The following KCNJ6 variants were observed in gnomAD, a reference collection of about 807,000 sequenced individuals.
KCNJ6 encodes G protein-activated inward rectifier potassium channel 2.
KCNJ6 carries 9 observed loss-of-function variants against 34.2 expected under a neutral mutation model. The observed-to-expected ratio is 0.26, with a 90% CI of 0.16 to 0.46. The LOEUF is 0.46. KCNJ6 is among the 20% of genes least tolerant of loss of function. The pLI is 1.00. For missense variants in KCNJ6, 236 were observed against 531.3 expected, an observed-to-expected ratio of 0.44 and a Z score of 5.46; for synonymous variants, 196 against 207.1, an observed-to-expected ratio of 0.95 and a Z score of 0.46.
intron 2 of KCNJ6, among the ~76,000 whole-genome samples, chr21:37,770,061 T>C (rs934096201): frequency 6.6e-6 from 1 of 152,188 alleles, no homozygotes; most frequent in African/African-American, 2.4e-5. Flanking sequence ...GCAGCACAGG[T>C]GGATAAAAAC....
intron 2 of KCNJ6, among the ~76,000 whole-genome samples, chr21:37,745,151 G>T (rs1332272810): frequency 7.0e-6 from 1 of 143,710 alleles, no homozygotes; most frequent in Non-Finnish European, 1.5e-5. Flanking sequence ...AGAGTTTGGT[G>T]GTGCAATTAG....
chr21:37,741,472 C>G (rs1030978972), intron 2 of KCNJ6, among the ~76,000 whole-genome samples: 2 of 152,180 alleles, frequency 1.3e-5, no homozygotes, highest in African/African-American at 2.4e-5. Flanking sequence ...TAGTCCCACT[C>G]AGTGGTCCTC....
chr21:37,916,012 C>T lies in KCNJ6; in HGVS notation c.-156G>A, dbSNP rs1460478244. The T allele has an allele frequency of 6.5e-6, 1 of 152,864 alleles. No individual in the cohort carries two copies. The highest frequency in any genetic ancestry group is 1.5e-5 in the Non-Finnish European group (1 of 68,556). 9.5% of individuals were successfully genotyped at this position (152,864 alleles called of 1,614,324 possible). On this transcript the variant is annotated 5_prime_UTR_variant, in exon 1 of 4. Transcript: ENST00000609713. Reference sequence around the variant, plus strand: ...AAAAAAGAAAAGGAAAAGAAAAAAACTGGAATCAGATGGTCAAATTTCACA... The same window carrying T: ...AAAAAAGAAAAGGAAAAGAAAAAAATTGGAATCAGATGGTCAAATTTCACA...
chr21:37,704,210 G>A (rs78295075), intron 3 of KCNJ6, among the ~76,000 whole-genome samples: 4,779 of 152,278 alleles, frequency 0.031, 253 homozygotes, highest in African/African-American at 0.11. Context: ...TGACCCATCC[G>A]TGTCGGACCT....
At chr21:37,682,654 GA>G (rs1225364207) in intron 3 of KCNJ6, among the ~76,000 whole-genome samples, 1 of 152,138 alleles carries the variant, frequency 6.6e-6, no homozygotes, top group African/African-American at 2.4e-5. Context: ...ATCCTTATAG[GA>G]AAAAGACCGT....
rs74317996 is a variant in KCNJ6 at position 37,758,083 on chromosome 21, G to A, written c.26-42952C>T. 1.2e-4 allele frequency among the ~76,000 whole-genome samples: 18 copies of A among 151,838 alleles called. No individual in the cohort carries two copies. The East Asian group carries it at 3.5e-3, about 29-fold the overall frequency. Reference sequence around the variant, plus strand: ...ACCCTGGGCCTGGTTTAGTGGAGGGGGAGAGGCTTCACCTAATTTTCAGGG... The same window carrying A: ...ACCCTGGGCCTGGTTTAGTGGAGGGAGAGAGGCTTCACCTAATTTTCAGGG... On this transcript the variant is annotated intron_variant, in intron 2 of 3. Coordinates refer to ENST00000609713, the MANE Select transcript of KCNJ6 (RefSeq NM_002240.5).
chr21:37,625,288 CA>C lies in KCNJ6; in HGVS notation c.1142del (p.Leu381ArgfsTer81). On this transcript the variant is annotated frameshift_variant, in exon 4 of 4. Transcript: ENST00000609713. LOFTEE classifies it high-confidence loss of function. ...TGAGTTTGCTGGATACAGACCAACTCAGGGGCAGCTCTGCCCTGCTGGCTAA... is the reference window on the plus strand; with the variant it reads ...TGAGTTTGCTGGATACAGACCAACTCGGGGCAGCTCTGCCCTGCTGGCTAA... Reference protein sequence around the residue: ...AELASRAELPLSWSVSSKLNQ... With the variant: ...AELASRAELPXSWSVSSKLNQ... 1 of 1,614,236 alleles carries C rather than the reference CA, an allele frequency of 6.2e-7. No homozygotes were observed. The highest frequency in any genetic ancestry group is 8.5e-7 in the Non-Finnish European group (1 of 1,180,040).
chr21:37,826,955 C>A (rs1465417527), intron 2 of KCNJ6, among the ~76,000 whole-genome samples: 1 of 152,100 alleles, frequency 6.6e-6, no homozygotes, highest in Admixed American at 6.5e-5. Context: ...AAGAAGGGAC[C>A]GCAAAGGCTT....
chr21:37,662,586 T>G (rs904701202), intron 3 of KCNJ6, among the ~76,000 whole-genome samples: 2 of 152,246 alleles, frequency 1.3e-5, no homozygotes, highest in African/African-American at 4.8e-5. Flanking sequence ...GCATGTATCT[T>G]TGTAATAGAA....
At position 37,625,111 on chromosome 21, in the gene KCNJ6, G is replaced by A; in HGVS notation, c.*48C>T. ...AAAAAGAAAGAGAATGAGAGACAAG[G>A]AAAGATTGTGTTGGGGGGAGAAGAG... On this transcript the variant is annotated 3_prime_UTR_variant, in exon 4 of 4. Transcript: ENST00000609713. 1.6e-6 allele frequency: 2 copies of A among 1,280,436 alleles called. No homozygotes were observed. Among genetic ancestry groups the A allele is most frequent in the Non-Finnish European group, 1.1e-6 (1 of 897,362 alleles). The allele number at this position is 1,280,436 out of a possible 1,614,324, so 79.3% of individuals were successfully genotyped here. A position where few individuals can be genotyped will look rare whatever the true frequency, so the allele number is the denominator to read the frequency against.
At chr21:37,712,494 CCTCCTCCCCTT>C (rs1336157401) in intron 3 of KCNJ6, among the ~76,000 whole-genome samples, 2 of 110,490 alleles carry the variant, frequency 1.8e-5, no homozygotes, top group Non-Finnish European at 4.4e-5. Flanking sequence ...CTCTTCCCTC[CCTCCTCCCCTT>C]CTCCTCCTCT....
At chr21:37,636,960 G>A (rs950002358) in intron 3 of KCNJ6, among the ~76,000 whole-genome samples, 1 of 152,202 alleles carries the variant, frequency 6.6e-6, no homozygotes, top group Middle Eastern at 3.2e-3. Context: ...AAATGAATCT[G>A]TATTGCCAAT....
rs2123360847 is a variant in KCNJ6 at position 37,624,802 on chromosome 21, T to A, written c.*357A>T. 1 of 215,426 alleles carries A rather than the reference T, an allele frequency of 4.6e-6. No homozygotes were observed. The highest frequency in any genetic ancestry group is 9.9e-5 in the South Asian group (1 of 10,138). The allele number at this position is 215,426 out of a possible 1,614,324, so 13.3% of individuals were successfully genotyped here. A position where few individuals can be genotyped will look rare whatever the true frequency, so the allele number is the denominator to read the frequency against. On this transcript the variant is annotated 3_prime_UTR_variant, in exon 4 of 4. Transcript: ENST00000609713. ...TAGGCACCAGAAACCTTGCTTGTCA[T>A]ATCCCAGGTAAAATCTTTGACACAC...
chr21:37,637,842 C>G (rs1309135156), intron 3 of KCNJ6, among the ~76,000 whole-genome samples: 1 of 152,210 alleles, frequency 6.6e-6, no homozygotes, highest in Non-Finnish European at 1.5e-5. Context: ...ACAGAAGAGG[C>G]CGTGTGAGGA....
chr21:37,741,707 A>T (rs2054942052), intron 2 of KCNJ6, among the ~76,000 whole-genome samples: 1 of 152,194 alleles, frequency 6.6e-6, no homozygotes, highest in Non-Finnish European at 1.5e-5. Context: ...CCTCCTGTGC[A>T]GGGCTCTGTG....
intron 2 of KCNJ6, among the ~76,000 whole-genome samples, chr21:37,802,664 C>CA (rs1281902919): frequency 6.6e-6 from 1 of 152,152 alleles, no homozygotes; most frequent in East Asian, 1.9e-4. Flanking sequence ...CACAAAAACT[C>CA]AAAGGGAATA....
intron 1 of KCNJ6, among the ~76,000 whole-genome samples, chr21:37,848,733 C>G (rs891539436): frequency 6.6e-6 from 1 of 152,160 alleles, no homozygotes; most frequent in Admixed American, 6.5e-5. Context: ...GAGCATTGCT[C>G]TGGGTACTTT....
intron 3 of KCNJ6, among the ~76,000 whole-genome samples, chr21:37,627,032 G>A (rs2054314431): frequency 6.6e-6 from 1 of 152,196 alleles, no homozygotes; most frequent in Non-Finnish European, 1.5e-5. Context: ...GTATTACGCA[G>A]CTGCTTTGTG....
chr21:37,892,694 T>C (rs548963275), intron 1 of KCNJ6, among the ~76,000 whole-genome samples: 1 of 152,240 alleles, frequency 6.6e-6, no homozygotes. Context: ...AGAATGGGCA[T>C]AGGGCTTAGG....
Sources: gnomAD v4.1 joint callset for allele counts (sites outside exome capture counted in the v4.1 genomes callset) on GRCh38, gnomAD v4.1.1 for gene constraint, MANE v1.5 for transcripts, NCBI Gene and HGNC (gene_info 2026-07-23, HGNC 2026-07-21) for gene names.